Variants in METTL15 observed in about 807,000 individuals in gnomAD.
METTL15 encodes 12S rRNA N(4)-cytidine methyltransferase METTL15.
Under a neutral mutation model 38.3 loss-of-function variants are expected in METTL15, and 34 were observed. The ratio of observed to expected loss-of-function variants is 0.89; its 90% CI spans 0.68 to 1.18. The LOEUF (loss-of-function observed/expected upper bound fraction) is 1.18. METTL15 is among the 50% of genes most tolerant of loss of function. METTL15 has a pLI of 0.00. For synonymous variants in METTL15, 162 were observed against 170.9 expected, an observed-to-expected ratio of 0.95 and a Z score of 0.41; for missense variants, 438 against 498.4, an observed-to-expected ratio of 0.88 and a Z score of 1.15.
At chr11:28,431,733 C>T (rs80063260) in intron 6 of METTL15, among the ~76,000 whole-genome samples, 1 of 96,986 alleles carries the variant, frequency 1.0e-5, no homozygotes, top group Admixed American at 1.1e-4. Flanking sequence ...GTCCCATGAC[C>T]CTGCCAAATC....
chr11:28,258,562 G>A (rs1487706732), intron 4 of METTL15, among the ~76,000 whole-genome samples: 2 of 152,102 alleles, frequency 1.3e-5, no homozygotes, highest in African/African-American at 4.8e-5. Context: ...TTAGTGTACC[G>A]TAGCTGAGCT....
At chr11:28,230,854 A>G (rs1853657078) in intron 4 of METTL15, among the ~76,000 whole-genome samples, 1 of 151,794 alleles carries the variant, frequency 6.6e-6, no homozygotes, top group Non-Finnish European at 1.5e-5. Context: ...TTCAATGTAC[A>G]TTTTAGTGCC....
At chr11:28,291,696 A>C (rs1297750648) in intron 5 of METTL15, among the ~76,000 whole-genome samples, 1 of 152,194 alleles carries the variant, frequency 6.6e-6, no homozygotes, top group East Asian at 1.9e-4. Flanking sequence ...AAAAACAAGT[A>C]ACTAATAGTA....
At chr11:28,468,785 C>T (rs1851278735) in intron 6 of METTL15, among the ~76,000 whole-genome samples, 1 of 152,104 alleles carries the variant, frequency 6.6e-6, no homozygotes, top group Non-Finnish European at 1.5e-5. Context: ...GATTCCAGGG[C>T]TCTACCTCAC....
chr11:28,131,475 T>C (rs1849333463), intron 3 of METTL15, among the ~76,000 whole-genome samples: 1 of 151,216 alleles, frequency 6.6e-6, no homozygotes, highest in South Asian at 2.1e-4. Context: ...TTAGCATTTT[T>C]CTTCCTTTCT....
chr11:28,438,235 A>G (rs1402101662), intron 6 of METTL15, among the ~76,000 whole-genome samples: 2 of 152,228 alleles, frequency 1.3e-5, no homozygotes, highest in Non-Finnish European at 2.9e-5. Flanking sequence ...GCAGTGAGAA[A>G]GAGAAATTGT....
At chr11:28,185,293 G>A (rs904467489) in intron 3 of METTL15, among the ~76,000 whole-genome samples, 1 of 151,486 alleles carries the variant, frequency 6.6e-6, no homozygotes, top group East Asian at 1.9e-4. Context: ...CTAGAGTACA[G>A]ATTTTTTTTT....
rs376786622 is a variant in METTL15, at chr11:28,183,326, G to T, written c.271-27736G>T. On this transcript the variant is annotated intron_variant, in intron 3 of 6. Coordinates refer to ENST00000407364, the MANE Select transcript of METTL15 (RefSeq NM_001113528.2). ...AGGAGTGGTGACAGAGGGCATCCTTGTCTTGTGCTGGTTTTCAAAGGGAAT... is the reference window on the plus strand; with the variant it reads ...AGGAGTGGTGACAGAGGGCATCCTTTTCTTGTGCTGGTTTTCAAAGGGAAT... 2.6e-4 allele frequency among the ~76,000 whole-genome samples: 39 copies of T among 152,192 alleles called. No homozygotes were observed. The East Asian group carries it at 6.8e-3, about 26-fold the overall frequency.
chr11:28,326,898 T>C (rs1236534048), intron 6 of METTL15, among the ~76,000 whole-genome samples: 1 of 151,992 alleles, frequency 6.6e-6, no homozygotes, highest in Non-Finnish European at 1.5e-5. Context: ...CCCAAATCCT[T>C]CCCTCCTAAA....
At chr11:28,155,562 C>CT (rs1850235537) in intron 3 of METTL15, among the ~76,000 whole-genome samples, 1 of 152,100 alleles carries the variant, frequency 6.6e-6, no homozygotes, top group African/African-American at 2.4e-5. Flanking sequence ...TATGGACCCT[C>CT]TTAACAGAGA....
At chr11:28,123,745 TA>T (rs1176206412) in intron 3 of METTL15, 3 of 590,508 alleles carry the variant, frequency 5.1e-6, no homozygotes, top group Non-Finnish European at 8.3e-6. Flanking sequence ...TTTAGGCATA[TA>T]TTTTTTATCT....
intron 6 of METTL15, among the ~76,000 whole-genome samples, chr11:28,469,123 C>T (rs1386161578): frequency 6.6e-6 from 1 of 151,980 alleles, no homozygotes; most frequent in Non-Finnish European, 1.5e-5. Context: ...TTTTTAGTGC[C>T]ATGTGACACA....
intron 3 of METTL15, among the ~76,000 whole-genome samples, chr11:28,197,228 A>C (rs1851941847): frequency 6.6e-6 from 1 of 151,812 alleles, no homozygotes; most frequent in African/African-American, 2.4e-5. Context: ...GAAGTGTATT[A>C]TCGAGAGTCT....
intron 4 of METTL15, among the ~76,000 whole-genome samples, chr11:28,264,184 G>C (rs1416503335): frequency 6.6e-6 from 1 of 152,056 alleles, no homozygotes; most frequent in African/African-American, 2.4e-5. Context: ...CATTTCGTTT[G>C]TCTTAATTCT....
At chr11:28,219,684 T>A (rs1411092584) in intron 4 of METTL15, among the ~76,000 whole-genome samples, 1 of 152,218 alleles carries the variant, frequency 6.6e-6, no homozygotes, top group Non-Finnish European at 1.5e-5. Flanking sequence ...TCCTGCTTTC[T>A]CTTGTGGGCA....
At chr11:28,123,885 T>C in intron 3 of METTL15, 1 of 1,474,354 alleles carries the variant, frequency 6.8e-7, no homozygotes, top group East Asian at 2.5e-5. Context: ...CTGTGGATAT[T>C]TAATATATTC....
intron 4 of METTL15, among the ~76,000 whole-genome samples, chr11:28,238,582 G>A (rs563458434): frequency 2.3e-4 from 35 of 152,320 alleles, no homozygotes; most frequent in African/African-American, 7.0e-4. Flanking sequence ...GCCTCGCCCT[G>A]CTTTGGCTGG....
intron 5 of METTL15, among the ~76,000 whole-genome samples, chr11:28,391,942 A>G (rs1254053997): frequency 6.6e-6 from 1 of 152,236 alleles, no homozygotes; most frequent in African/African-American, 2.4e-5. Flanking sequence ...AAGCATGGCA[A>G]CAAAAGCCAA....
Position 28,469,572 on chromosome 11 carries a change from G to C in METTL15, c.*424+45208G>C, listed in dbSNP as rs79114045. ...ATACTGGTTGTGTGCCCTTGGGAAA[G>C]TTATTTAACCTTTATGTGCTTCAGA... On this transcript the variant is annotated intron_variant and NMD_transcript_variant, in intron 6 of 7. Transcript: ENST00000532947. Among the ~76,000 whole-genome samples, 315 of 152,210 alleles carry C rather than the reference G, an allele frequency of 2.1e-3. 1 individual carries two copies. The highest frequency in any genetic ancestry group is 7.2e-3 in the African/African-American group (299 of 41,534).
Sources: allele counts gnomAD v4.1 joint callset (sites outside exome capture counted in the v4.1 genomes callset), GRCh38; gene constraint gnomAD v4.1.1; transcripts MANE v1.5; gene names NCBI Gene and HGNC (gene_info 2026-07-23, HGNC 2026-07-21).